The following THSD7B variants were observed in gnomAD, a reference collection of about 807,000 sequenced individuals.
THSD7B encodes the protein thrombospondin type-1 domain-containing protein 7B.
THSD7B carries 138 observed loss-of-function variants against 213.6 expected under a neutral mutation model. The ratio of observed to expected loss-of-function variants is 0.65; its 90% confidence interval spans 0.56 to 0.74. The LOEUF (loss-of-function observed/expected upper bound fraction) is 0.74. THSD7B is among the 30% of genes least tolerant of loss of function. The pLI is 0.00. For missense variants in THSD7B, 1,931 were observed against 1,991.5 expected (o/e 0.97, Z 0.58); for synonymous variants, 742 against 687.0 (o/e 1.08, Z -1.25).
chr2:137,539,988 C>T (rs888170781), intron 15 of THSD7B, among the ~76,000 whole-genome samples: 21 of 151,574 alleles, frequency 1.4e-4, no homozygotes, highest in African/African-American at 4.6e-4. Flanking sequence ...TCTTCCAAAA[C>T]TTGGTCACAC....
chr2:137,287,895 TA>T (rs1683222626), intron 12 of THSD7B, among the ~76,000 whole-genome samples: 1 of 152,126 alleles, frequency 6.6e-6, no homozygotes, highest in South Asian at 2.1e-4. Flanking sequence ...TCAGGAATGC[TA>T]ATATGAATTT....
chr2:137,288,678 A>C (rs1265805284), intron 12 of THSD7B, among the ~76,000 whole-genome samples: 1 of 152,110 alleles, frequency 6.6e-6, no homozygotes, highest in African/African-American at 2.4e-5. Flanking sequence ...TGAGAATAGG[A>C]TAATATTGAC....
In THSD7B at chr2:137,313,965, G is replaced by A. The variant is rs377377608; in HGVS notation, c.2500+37939G>A. Reference sequence around the variant, plus strand: ...TTTTTTGCTTCATTTCAACTTTGGTGAATCTGACAATTATGTGTCTTGGTG... The same window carrying A: ...TTTTTTGCTTCATTTCAACTTTGGTAAATCTGACAATTATGTGTCTTGGTG... On this transcript the variant is annotated intron_variant, in intron 12 of 27. Coordinates refer to ENST00000409968, the MANE Select transcript of THSD7B (RefSeq NM_001316349.2). 1.7e-3 allele frequency among the ~76,000 whole-genome samples: 264 copies of A among 152,266 alleles called. 4 individuals are homozygous for A. The East Asian group carries it at 0.048, about 28-fold the overall frequency.
chr2:137,513,997 CTT>C (rs1680019756), intron 15 of THSD7B, among the ~76,000 whole-genome samples: 1 of 152,168 alleles, frequency 6.6e-6, no homozygotes, highest in Non-Finnish European at 1.5e-5. Flanking sequence ...CTGCATTTCT[CTT>C]TTCTTGACCC....
intron 12 of THSD7B, among the ~76,000 whole-genome samples, chr2:137,356,545 T>C (rs1685132148): frequency 6.6e-6 from 1 of 152,216 alleles, no homozygotes; most frequent in African/African-American, 2.4e-5. Flanking sequence ...CCTCCAACAC[T>C]GATTCTGTAC....
chr2:136,810,530 A>T (rs1398961156), intron 1 of THSD7B, among the ~76,000 whole-genome samples: 1 of 152,190 alleles, frequency 6.6e-6, no homozygotes, highest in African/African-American at 2.4e-5. Flanking sequence ...TACATCATAC[A>T]TTCTGCAGTG....
chr2:137,146,759 A>G (rs117970410), intron 5 of THSD7B, among the ~76,000 whole-genome samples: 24 of 152,244 alleles, frequency 1.6e-4, no homozygotes, highest in Middle Eastern at 3.4e-3. Flanking sequence ...TTGTGAAAAT[A>G]TCATAAGGGA....
intron 2 of THSD7B, among the ~76,000 whole-genome samples, chr2:136,977,738 G>C (rs935395277): frequency 6.6e-6 from 1 of 150,852 alleles, no homozygotes; most frequent in East Asian, 1.9e-4. Flanking sequence ...TTATTCAGGA[G>C]TAGGTTTTTC....
chr2:137,398,430 G>C (rs1310624928), intron 12 of THSD7B, among the ~76,000 whole-genome samples: 1 of 151,312 alleles, frequency 6.6e-6, no homozygotes, highest in East Asian at 1.9e-4. Flanking sequence ...GCTGTGTGAG[G>C]TGTCAGTGTG....
intron 7 of THSD7B, among the ~76,000 whole-genome samples, chr2:137,171,272 A>G (rs997157637): frequency 6.6e-6 from 1 of 152,168 alleles, no homozygotes; most frequent in African/African-American, 2.4e-5. Context: ...AGTAAAAGCC[A>G]ATGTATAACA....
At chr2:136,891,342 A>G (rs1350983048) in intron 2 of THSD7B, among the ~76,000 whole-genome samples, 19 of 152,178 alleles carry the variant, frequency 1.2e-4, no homozygotes, top group Admixed American at 1.2e-3. Flanking sequence ...AACTGATTCA[A>G]CATTCCATGT....
chr2:136,776,731 G>A (rs1194623586), intron 1 of THSD7B, among the ~76,000 whole-genome samples: 1 of 152,110 alleles, frequency 6.6e-6, no homozygotes. Flanking sequence ...AGCCAAGAGA[G>A]GTTCAAAATA....
chr2:137,664,868 A>G (rs187949562), intron 26 of THSD7B, among the ~76,000 whole-genome samples: 3 of 152,190 alleles, frequency 2.0e-5, no homozygotes, highest in African/African-American at 4.8e-5. Context: ...ATTAACTCCT[A>G]GGGCATGGGA....
intron 7 of THSD7B, among the ~76,000 whole-genome samples, chr2:137,217,360 T>G (rs1681272437): frequency 6.6e-6 from 1 of 152,244 alleles, no homozygotes; most frequent in Non-Finnish European, 1.5e-5. Flanking sequence ...CATATGTCAT[T>G]ATTATTACCA....
At chr2:137,256,569 G>T (rs1436183093) in intron 10 of THSD7B, among the ~76,000 whole-genome samples, 1 of 152,178 alleles carries the variant, frequency 6.6e-6, no homozygotes, top group Non-Finnish European at 1.5e-5. Context: ...ATGGGGGAAT[G>T]ATAAGAAATA....
intron 20 of THSD7B, among the ~76,000 whole-genome samples, chr2:137,631,224 T>C (rs548279303): frequency 6.6e-6 from 1 of 152,314 alleles, no homozygotes; most frequent in Non-Finnish European, 1.5e-5. Flanking sequence ...TTTAGATAGA[T>C]TTCAAAGATC....
chr2:137,418,180 C>A (rs1006817297), intron 14 of THSD7B, among the ~76,000 whole-genome samples: 1 of 152,136 alleles, frequency 6.6e-6, no homozygotes, highest in African/African-American at 2.4e-5. Flanking sequence ...CACTTTTCTC[C>A]AGCCCTGTTG....
At chr2:137,476,342 T>G (rs1156325726) in intron 15 of THSD7B, among the ~76,000 whole-genome samples, 2 of 152,154 alleles carry the variant, frequency 1.3e-5, no homozygotes, top group Non-Finnish European at 2.9e-5. Context: ...TTTGTTTATT[T>G]TTTTTCTTTT....
intron 3 of THSD7B, among the ~76,000 whole-genome samples, chr2:137,082,161 A>C (rs529775680): frequency 6.6e-6 from 1 of 152,168 alleles, no homozygotes; most frequent in Non-Finnish European, 1.5e-5. Context: ...TCTGTGTTTC[A>C]TCTAAGTCTT....
Sources: allele counts gnomAD v4.1 joint callset (sites outside exome capture counted in the v4.1 genomes callset), GRCh38; gene constraint gnomAD v4.1.1; transcripts MANE v1.5; gene names NCBI Gene and HGNC (gene_info 2026-07-23, HGNC 2026-07-21).